RORA: variants seen among roughly 807,000 people sequenced by gnomAD.
The protein encoded by RORA is nuclear receptor ROR-alpha.
Under a neutral mutation model 69.5 loss-of-function variants are expected in RORA, and 7 were observed. That is an observed-to-expected ratio of 0.10 (90% CI 0.06 to 0.19). RORA has a LOEUF of 0.19. Among genes scored for constraint, RORA ranks in the 10% least tolerant of loss-of-function variants. The pLI is 1.00. For missense variants in RORA, 457 were observed against 663.0 expected (o/e 0.69, Z 3.41); for synonymous variants, 261 against 240.8 (o/e 1.08, Z -0.78).
chr15:60,933,618 A>G (rs922691174), intron 1 of RORA, among the ~76,000 whole-genome samples: 5 of 152,166 alleles, frequency 3.3e-5, no homozygotes, highest in Non-Finnish European at 5.9e-5. Flanking sequence ...GCATACTCCT[A>G]AAGGAAGAGG....
intron 3 of RORA, chr15:60,529,788 T>C (rs1315508623): frequency 6.6e-6 from 1 of 152,200 alleles, no homozygotes; most frequent in East Asian, 1.9e-4. Flanking sequence ...TAATTAATCT[T>C]CCAAATTGTT....
At chr15:60,753,919 C>T (rs748075488) in intron 1 of RORA, among the ~76,000 whole-genome samples, 1 of 152,206 alleles carries the variant, frequency 6.6e-6, no homozygotes, top group Non-Finnish European at 1.5e-5. Context: ...ACATGTGGAG[C>T]AAGTATTATT....
intron 1 of RORA, among the ~76,000 whole-genome samples, chr15:60,921,919 A>G (rs917563767): frequency 1.3e-5 from 2 of 152,182 alleles, no homozygotes; most frequent in African/African-American, 4.8e-5. Flanking sequence ...AATGTGATGG[A>G]CAATATTGAA....
At chr15:60,578,975 A>T (rs1388680795) in intron 2 of RORA, among the ~76,000 whole-genome samples, 1 of 151,644 alleles carries the variant, frequency 6.6e-6, no homozygotes, top group Admixed American at 6.6e-5. Flanking sequence ...ATGTTAGCCA[A>T]GATGGTCTCG....
intron 1 of RORA, among the ~76,000 whole-genome samples, chr15:61,034,187 G>A (rs1182678538): frequency 2.0e-5 from 3 of 152,078 alleles, no homozygotes; most frequent in African/African-American, 7.2e-5. Context: ...AATCCTAGAA[G>A]GAAGAAATGT....
chr15:60,585,182 A>G (rs2140497433), intron 2 of RORA, among the ~76,000 whole-genome samples: 1 of 152,330 alleles, frequency 6.6e-6, no homozygotes, highest in East Asian at 1.9e-4. Flanking sequence ...AAATAGGAAG[A>G]TCTATATTCA....
intron 2 of RORA, among the ~76,000 whole-genome samples, chr15:60,543,999 G>C (rs1333930286): frequency 6.6e-6 from 1 of 152,202 alleles, no homozygotes; most frequent in East Asian, 1.9e-4. Flanking sequence ...TGGAGAGGTG[G>C]TAAGTGGAGG....
chr15:60,911,569 T>G (rs935040229), intron 1 of RORA, among the ~76,000 whole-genome samples: 16 of 152,144 alleles, frequency 1.1e-4, no homozygotes, highest in Non-Finnish European at 2.1e-4. Flanking sequence ...CATTCTAGAA[T>G]GAAAGACAGG....
chr15:60,586,882 C>G (rs960152013), intron 2 of RORA, among the ~76,000 whole-genome samples: 4 of 152,130 alleles, frequency 2.6e-5, no homozygotes, highest in African/African-American at 7.2e-5. Flanking sequence ...TGAGATTTTT[C>G]AGATCTACTT....
In RORA at chr15:60,588,127, C is replaced by G. The variant is rs1169655225; in HGVS notation, c.197-56276G>C. 2.0e-5 allele frequency among the ~76,000 whole-genome samples: 3 copies of G among 152,144 alleles called. No individual in the cohort carries two copies. In the East Asian group the frequency reaches 5.8e-4, roughly 29 times the overall value. On this transcript the variant is annotated intron_variant, in intron 2 of 10. Coordinates refer to ENST00000335670, the MANE Select transcript of RORA (RefSeq NM_134261.3). ...CTGTATGTGGTCTTTGAGATACTATCAAATGTCAATTCACACCTGACTTGT... is the reference window on the plus strand; with the variant it reads ...CTGTATGTGGTCTTTGAGATACTATGAAATGTCAATTCACACCTGACTTGT...
chr15:61,104,583 C>G (rs1273377501), intron 1 of RORA, among the ~76,000 whole-genome samples: 1 of 152,214 alleles, frequency 6.6e-6, no homozygotes, highest in Non-Finnish European at 1.5e-5. Context: ...CTATAAGGTC[C>G]TGATGAGATT....
chr15:61,146,507 T>C (rs1311910812), intron 1 of RORA, among the ~76,000 whole-genome samples: 3 of 152,008 alleles, frequency 2.0e-5, no homozygotes, highest in Non-Finnish European at 4.4e-5. Flanking sequence ...CTTTCATCTA[T>C]AATTTAGAAA....
chr15:61,058,543 A>C (rs1385309871), intron 1 of RORA, among the ~76,000 whole-genome samples: 2 of 152,134 alleles, frequency 1.3e-5, no homozygotes, highest in Non-Finnish European at 2.9e-5. Flanking sequence ...CAAAAGGGGT[A>C]ATCTGAAGAA....
At chr15:60,662,227 C>T (rs958262557) in intron 2 of RORA, among the ~76,000 whole-genome samples, 3 of 152,166 alleles carry the variant, frequency 2.0e-5, no homozygotes, top group Non-Finnish European at 2.9e-5. Context: ...CCACTAATCT[C>T]CTACTTAATT....
At chr15:60,977,063 A>T (rs2140356671) in intron 1 of RORA, among the ~76,000 whole-genome samples, 1 of 150,438 alleles carries the variant, frequency 6.6e-6, no homozygotes, top group Non-Finnish European at 1.5e-5. Context: ...TTTGGGCAAT[A>T]ATGTATGTGG....
intron 2 of RORA, among the ~76,000 whole-genome samples, chr15:60,631,615 A>C (rs1250145400): frequency 6.6e-6 from 1 of 152,154 alleles, no homozygotes; most frequent in Non-Finnish European, 1.5e-5. Context: ...TACCTTTGCC[A>C]GGTAGAATAC....
At chr15:61,217,182 A>G (rs915324874) in intron 1 of RORA, among the ~76,000 whole-genome samples, 7 of 152,190 alleles carry the variant, frequency 4.6e-5, no homozygotes, top group African/African-American at 1.7e-4. Flanking sequence ...CTTAATGGGC[A>G]CCTATTTTAT....
At chr15:60,793,827 C>T (rs2072451722) in intron 1 of RORA, among the ~76,000 whole-genome samples, 1 of 152,182 alleles carries the variant, frequency 6.6e-6, no homozygotes, top group African/African-American at 2.4e-5. Context: ...TCCTGGGAGG[C>T]TGCCCTGGGG....
chr15:61,151,020 G>A (rs911778038), intron 1 of RORA, among the ~76,000 whole-genome samples: 5 of 152,184 alleles, frequency 3.3e-5, no homozygotes, highest in Admixed American at 1.3e-4. Context: ...ATTACCTGAC[G>A]CAAGATAGCA....
Sources: gnomAD v4.1 joint callset for allele counts (sites outside exome capture counted in the v4.1 genomes callset) on GRCh38, gnomAD v4.1.1 for gene constraint, MANE v1.5 for transcripts, NCBI Gene and HGNC (gene_info 2026-07-23, HGNC 2026-07-21) for gene names.